The following SMARCA2 variants were observed in gnomAD, a reference collection of about 807,000 sequenced individuals.
SMARCA2 encodes the protein SWI/SNF-related matrix-associated actin-dependent regulator of chromatin subfamily A member 2.
A neutral mutation model predicts 199.8 loss-of-function variants in SMARCA2; 61 were observed. The observed-to-expected ratio is 0.31, with a 90% CI of 0.25 to 0.38. The LOEUF (loss-of-function observed/expected upper bound fraction) is 0.38, where lower values mean the gene tolerates loss of function less well. SMARCA2 is among the 10% of genes least tolerant of loss of function. The pLI, the probability that SMARCA2 is intolerant of heterozygous loss-of-function variation, is 1.00. For missense variants in SMARCA2, 1,344 were observed against 2,012.2 expected, an observed-to-expected ratio of 0.67 and a Z score of 6.35; for synonymous variants, 935 against 732.0, an observed-to-expected ratio of 1.28 and a Z score of -4.48.
At chr9:2,181,285 CAAAAT>C in intron 29 of SMARCA2, 1 of 223,742 alleles carries the variant, frequency 4.5e-6, no homozygotes, top group Non-Finnish European at 8.7e-6. Context: ...ATATTTCTAT[CAAAAT>C]AAAGAGATAT....
chr9:2,168,742 T>G (rs1826072569), intron 28 of SMARCA2, among the ~76,000 whole-genome samples: 1 of 152,250 alleles, frequency 6.6e-6, no homozygotes, highest in African/African-American at 2.4e-5. Flanking sequence ...TGCTTTGTTT[T>G]AGGGTTTTAA....
intron 10 of SMARCA2, chr9:2,071,985 G>T (rs531461985): frequency 6.6e-6 from 1 of 152,274 alleles, no homozygotes; most frequent in Admixed American, 6.5e-5. Context: ...TCTTTTTAAG[G>T]TTATTTTTGT....
intron 4 of SMARCA2, 95 bp from the exon 5 acceptor site, chr9:2,047,134 C>T (rs1264684486): frequency 3.3e-6 from 3 of 921,384 alleles, no homozygotes; most frequent in Non-Finnish European, 3.9e-6. Context: ...ACTTAATGGT[C>T]CCCAGCACTG....
intron 33 of SMARCA2, chr9:2,192,465 G>C: frequency 1.9e-6 from 1 of 527,218 alleles, no homozygotes; most frequent in Non-Finnish European, 3.3e-6. Context: ...AAAGTGAAAG[G>C]GCACAAACAA....
intron 2 of SMARCA2, among the ~76,000 whole-genome samples, chr9:2,032,366 C>A (rs1293211962): frequency 1.3e-5 from 2 of 152,192 alleles, no homozygotes; most frequent in African/African-American, 2.4e-5. Flanking sequence ...GTGCCTTTAA[C>A]CTTTTCCGTT....
At chr9:2,045,790 AT>A (rs1442421290) in intron 4 of SMARCA2, 2 of 150,880 alleles carry the variant, frequency 1.3e-5, no homozygotes, top group East Asian at 1.9e-4. Flanking sequence ...GTTTTACCTA[AT>A]TTTAGAAGGA....
intron 19 of SMARCA2, among the ~76,000 whole-genome samples, chr9:2,096,384 C>G (rs971818572): frequency 6.6e-6 from 1 of 152,164 alleles, no homozygotes; most frequent in African/African-American, 2.4e-5. Context: ...TTCTCTCTCT[C>G]AAATTTGGAA....
intron 9 of SMARCA2, among the ~76,000 whole-genome samples, chr9:2,064,842 A>G (rs1044499986): frequency 6.6e-6 from 1 of 152,198 alleles, no homozygotes; most frequent in Non-Finnish European, 1.5e-5. Flanking sequence ...TTTTTCCTTA[A>G]GCTGTGGTTA....
chr9:2,182,105 T>C, intron 30 of SMARCA2, 36 bp from the exon 31 acceptor site: 2 of 1,330,716 alleles, frequency 1.5e-6, no homozygotes, highest in Non-Finnish European at 2.2e-6. Context: ...TTCCTCTCCC[T>C]CTTTTTTTCT....
chr9:2,112,668 G>T (rs1019468719), intron 24 of SMARCA2, among the ~76,000 whole-genome samples: 9 of 152,178 alleles, frequency 5.9e-5, no homozygotes, highest in Non-Finnish European at 1.3e-4. Context: ...GCCTCTGCAA[G>T]TATTTCTAGC....
At chr9:2,022,070 A>G (rs1025611433) in intron 1 of SMARCA2, 3 of 151,332 alleles carry the variant, frequency 2.0e-5, no homozygotes, top group African/African-American at 4.9e-5. Context: ...AGTTGGGGAG[A>G]ATTTTCAGAA....
chr9:2,027,391 A>G (rs1382191301), intron 1 of SMARCA2, among the ~76,000 whole-genome samples: 1 of 152,196 alleles, frequency 6.6e-6, no homozygotes, highest in African/African-American at 2.4e-5. Context: ...TCAGTGAGCC[A>G]TGATCTCTAC....
chr9:2,097,349 A>C (rs751618082), intron 20 of SMARCA2, 36 bp from the exon 21 acceptor site: 1 of 1,309,162 alleles, frequency 7.6e-7, no homozygotes, highest in Non-Finnish European at 1.1e-6. Flanking sequence ...ACCAGTTAAT[A>C]ATTAATTCTA....
chr9:2,073,121 C>T (rs1009179044), intron 10 of SMARCA2, 91 bp from the exon 11 acceptor site: 5 of 1,466,970 alleles, frequency 3.4e-6, no homozygotes, highest in Non-Finnish European at 4.6e-6. Flanking sequence ...GTTTCACATG[C>T]TGGGCAGCAA....
intron 27 of SMARCA2, among the ~76,000 whole-genome samples, chr9:2,145,882 G>C (rs1286074678): frequency 6.6e-6 from 1 of 152,226 alleles, no homozygotes; most frequent in African/African-American, 2.4e-5. Flanking sequence ...TGGAATGGGA[G>C]TTGATCACTG....
chr9:2,017,687 G>C lies in SMARCA2; in HGVS notation c.-37+2283G>C, dbSNP rs1451726626. On this transcript the variant is annotated intron_variant, in intron 1 of 33. Transcript: ENST00000349721. This position sits in a 1 kb window ranked among gnomAD's most constrained non-coding sequence, Gnocchi z 8.8. ...GCGGCAGCGGCGGGGGCCGGGCCGC[G>C]GGCTGTGGCGCGGGCCTAGAGCCGC... 1 of 152,124 alleles carries C rather than the reference G, an allele frequency of 6.6e-6. No individual in the cohort carries two copies. The highest frequency in any genetic ancestry group is 1.5e-5 in the Non-Finnish European group (1 of 68,026). 9.4% of individuals were successfully genotyped at this position (152,124 alleles called of 1,614,324 possible).
At chr9:2,185,816 C>G (rs1827401238) in intron 31 of SMARCA2, among the ~76,000 whole-genome samples, 1 of 152,096 alleles carries the variant, frequency 6.6e-6, no homozygotes, top group Admixed American at 6.6e-5. Flanking sequence ...TAAAAAATAC[C>G]ATTTTTGTTG....
chr9:2,117,163 C>T lies in SMARCA2; in HGVS notation c.3684+1114C>T, dbSNP rs1010359433. 1.2e-4 allele frequency among the ~76,000 whole-genome samples: 18 copies of T among 151,934 alleles called. No homozygotes were observed. In the East Asian group the frequency reaches 1.9e-3, roughly 16 times the overall value. ...AAAGTCGAAAAATCCTAAGTCCAGCCGTTGTTAAGCCAGAGACTGTCTGTA... is the reference window on the plus strand; with the variant it reads ...AAAGTCGAAAAATCCTAAGTCCAGCTGTTGTTAAGCCAGAGACTGTCTGTA... On this transcript the variant is annotated intron_variant, in intron 25 of 33. Transcript: ENST00000349721.
At chr9:2,031,193 A>C (rs1819054668) in intron 2 of SMARCA2, among the ~76,000 whole-genome samples, 1 of 152,158 alleles carries the variant, frequency 6.6e-6, no homozygotes, top group South Asian at 2.1e-4. Context: ...GGATATCCCT[A>C]TGACATTCTC....
Sources: gnomAD v4.1 joint callset for allele counts (sites outside exome capture counted in the v4.1 genomes callset) on GRCh38, gnomAD v4.1.1 for gene constraint, Gnocchi (gnomAD v3.1) non-coding constraint, MANE v1.5 for transcripts, NCBI Gene and HGNC (gene_info 2026-07-23, HGNC 2026-07-21) for gene names.